The following SEC13 variants were observed in gnomAD, a reference collection of about 807,000 sequenced individuals.
SEC13 encodes the protein SEC13 homolog, nuclear pore and COPII component.
A neutral mutation model predicts 49.2 loss-of-function variants in SEC13; 25 were observed. That is an observed-to-expected ratio of 0.51 (90% CI 0.37 to 0.71). The LOEUF (loss-of-function observed/expected upper bound fraction) is 0.71, where lower values mean the gene tolerates loss of function less well. SEC13 is among the 30% of genes least tolerant of loss of function. The probability of loss-of-function intolerance (pLI) is 0.00; values close to 1 mark genes in which losing one functional copy is unlikely to be tolerated. For synonymous variants in SEC13, 148 were observed against 163.9 expected, an observed-to-expected ratio of 0.90 and a Z score of 0.74; for missense variants, 383 against 417.6, an observed-to-expected ratio of 0.92 and a Z score of 0.72.
At chr3:10,303,876 T>C in intron 8 of SEC13, 150 bp downstream of exon 8, 1 of 749,168 alleles carries the variant, frequency 1.3e-6, no homozygotes, top group African/African-American at 1.7e-5. Flanking sequence ...GTGACATTAA[T>C]GATGTAACTA....
chr3:10,303,580 C>G (rs1335138094), intron 8 of SEC13: 1 of 250,476 alleles, frequency 4.0e-6, no homozygotes, highest in African/African-American at 2.2e-5. Flanking sequence ...CTGCCTCTTA[C>G]CAGCATAACA....
intron 3 of SEC13, among the ~76,000 whole-genome samples, chr3:10,314,314 T>C (rs1437908750): frequency 6.6e-6 from 1 of 152,228 alleles, no homozygotes; most frequent in African/African-American, 2.4e-5. Flanking sequence ...ATTTATGAGA[T>C]AGTGATGCAT....
In SEC13 at chr3:10,305,552, T is replaced by G. The variant is rs769683262; in HGVS notation, c.584+7A>C. ...CCTCAAAGAGAAGGCCACACATCCC[T>G]ACTTACTTCCACAGCTTGATGAGGT... On this transcript the variant is annotated splice_region_variant and intron_variant, in intron 6 of 8. Transcript: ENST00000350697. 1 of 1,613,390 alleles carries G rather than the reference T, an allele frequency of 6.2e-7. No homozygotes were observed. The highest frequency in any genetic ancestry group is 1.3e-5 in the African/African-American group (1 of 74,922).
rs762165660 is a variant in SEC13, at chr3:10,317,768, A to T, written c.48+282T>A. 2.6e-4 allele frequency among the ~76,000 whole-genome samples: 40 copies of T among 152,192 alleles called. 1 individual carries two copies. The highest frequency in any genetic ancestry group is 3.9e-4 in the Admixed American group (6 of 15,288). On this transcript the variant is annotated intron_variant, in intron 2 of 8. Coordinates refer to ENST00000350697, the MANE Select transcript of SEC13 (RefSeq NM_183352.3). Reference sequence around the variant, plus strand: ...ACCCACTCAGCCTTCATCCGAGAGCAGGTTATTGTATTGGCTGGAAGACTG... The same window carrying T: ...ACCCACTCAGCCTTCATCCGAGAGCTGGTTATTGTATTGGCTGGAAGACTG...
intron 7 of SEC13, 147 bp downstream of exon 7, chr3:10,304,886 A>G (rs1395060838): frequency 1.7e-6 from 2 of 1,201,692 alleles, no homozygotes; most frequent in Non-Finnish European, 2.3e-6. Context: ...ACTTCCCCAC[A>G]CAATGACCTG....
chr3:10,303,081 C>T (rs1205641501), intron 8 of SEC13, among the ~76,000 whole-genome samples: 1 of 152,196 alleles, frequency 6.6e-6, no homozygotes, highest in African/African-American at 2.4e-5. Context: ...TTCAATTTTG[C>T]AGCTGAAAAG....
intron 3 of SEC13, chr3:10,313,238 T>C (rs2125273534): frequency 4.2e-6 from 1 of 239,956 alleles, no homozygotes; most frequent in East Asian, 8.5e-5. Context: ...TCTTTATCCA[T>C]TCACCTGATA....
intron 5 of SEC13, chr3:10,311,715 G>A: frequency 7.3e-7 from 1 of 1,366,744 alleles, no homozygotes; most frequent in South Asian, 1.5e-5. Flanking sequence ...GTGGCAGTGA[G>A]CAGGCTGCTG....
In SEC13 at chr3:10,312,635, C is replaced by T; in HGVS notation, c.260G>A (p.Arg87Lys). ...CSYDRKVIIW[R>K]EENGTWEKSH... ...CTTCTCCCAGGTGCCGTTTTCCTCT[C>T]TCCAGATAATGACTTTCCGGTCATA... The change falls in exon 4 of 9, where the codon AGA becomes AAA. Residue 87 changes from arginine to lysine, a missense_variant. Coordinates refer to ENST00000350697, the MANE Select transcript of SEC13 (RefSeq NM_183352.3). 1.2e-6 allele frequency: 2 copies of T among 1,614,208 alleles called. No individual in the cohort carries two copies. Among genetic ancestry groups the T allele is most frequent in the Admixed American group, 1.7e-5 (1 of 60,022 alleles).
chr3:10,316,577 A>C (rs1017102174), intron 2 of SEC13, among the ~76,000 whole-genome samples: 3 of 152,178 alleles, frequency 2.0e-5, no homozygotes, highest in Non-Finnish European at 2.9e-5. Flanking sequence ...CCTGCTGTGC[A>C]AACTTTGAAA....
chr3:10,313,516 C>T (rs929542795), intron 3 of SEC13: 11 of 495,758 alleles, frequency 2.2e-5, no homozygotes, highest in African/African-American at 2.0e-4. Context: ...AAAAGCCACT[C>T]AATACCCATT....
intron 1 of SEC13, 96 bp from the exon 2 acceptor site, chr3:10,318,190 C>G (rs544090325): frequency 7.5e-6 from 6 of 798,848 alleles, no homozygotes; most frequent in Non-Finnish European, 1.3e-5. Context: ...CTCACTCATT[C>G]ATTCATTCAT....
chr3:10,321,087 G>A lies in SEC13; in HGVS notation c.-35C>T. On this transcript the variant is annotated 5_prime_UTR_variant, in exon 1 of 9. Transcript: ENST00000350697. The surrounding 1 kb of genome is among the most constrained non-coding windows in gnomAD (Gnocchi z 4.1). ...GGTGGCTGCTCCAGGTCTCGGACGT[G>A]GCAGCTCCCGGCGGCGCCTCGGAAC... 6.2e-7 allele frequency: 1 copy of A among 1,612,454 alleles called. No homozygotes were observed. Among genetic ancestry groups the A allele is most frequent in the South Asian group, 1.1e-5 (1 of 90,740 alleles).
In SEC13 at chr3:10,301,094, T is replaced by TCTCCGATCACGTTAAGGC. The variant is rs1559487595; in HGVS notation, c.*149_*166dup. ...CAGCTGGACAGTAGATTACAAAGCATCTCCGATCACGTTAAGGCAGATGAT... is the reference window on the plus strand; with the variant it reads ...CAGCTGGACAGTAGATTACAAAGCATCTCCGATCACGTTAAGGCCTCCGATCACGTTAAGGCAGATGAT... On this transcript the variant is annotated 3_prime_UTR_variant, in exon 9 of 9. Transcript: ENST00000350697. The TCTCCGATCACGTTAAGGC allele has an allele frequency of 6.2e-7, 1 of 1,612,816 alleles. No homozygotes were observed. Among genetic ancestry groups the TCTCCGATCACGTTAAGGC allele is most frequent in the South Asian group, 1.1e-5 (1 of 91,014 alleles).
intron 6 of SEC13, 113 bp from the exon 7 acceptor site, chr3:10,305,269 C>T: frequency 7.0e-7 from 1 of 1,427,128 alleles, no homozygotes; most frequent in Non-Finnish European, 9.3e-7. Context: ...TTTCTTCTTT[C>T]ATTCATGGAG....
chr3:10,304,015 TG>T lies in SEC13; in HGVS notation c.855+10del. On this transcript the variant is annotated intron_variant, in intron 8 of 8. Transcript: ENST00000350697. ...GCTGTGTCCACCATGCCACGGGGAA[TG>T]GGTATGTACCTTATTGTCTCCACCA... The T allele has an allele frequency of 1.2e-6, 2 of 1,613,814 alleles. No individual in the cohort carries two copies. The highest frequency in any genetic ancestry group is 1.7e-6 in the Non-Finnish European group (2 of 1,179,990).
chr3:10,308,933 ATT>A (rs56801249), intron 5 of SEC13, among the ~76,000 whole-genome samples: 20,918 of 101,898 alleles, frequency 0.21, 1,860 homozygotes, highest in African/African-American at 0.25. Flanking sequence ...CCTGGCCTTG[ATT>A]TTTTTTTTTT....
chr3:10,315,456 C>A lies in SEC13; in HGVS notation c.49-20G>T. ...GTCGTGCTGCAAAGGGAGGACAGCTCGGGAAGCCTGCAGGCTGGGTGGGTG... is the reference window on the plus strand; with the variant it reads ...GTCGTGCTGCAAAGGGAGGACAGCTAGGGAAGCCTGCAGGCTGGGTGGGTG... On this transcript the variant is annotated intron_variant, in intron 2 of 8. Transcript: ENST00000350697. The A allele has an allele frequency of 1.4e-6, 1 of 715,480 alleles. No individual in the cohort carries two copies. Among genetic ancestry groups the A allele is most frequent in the South Asian group, 1.6e-5 (1 of 62,836 alleles). The allele number at this position is 715,480 out of a possible 1,614,324, so 44.3% of individuals were successfully genotyped here.
At chr3:10,317,885 G>C (rs1299371548) in intron 2 of SEC13, among the ~76,000 whole-genome samples, 165 bp downstream of exon 2, 1 of 152,112 alleles carries the variant, frequency 6.6e-6, no homozygotes, top group Non-Finnish European at 1.5e-5. Flanking sequence ...CACTGCTAGG[G>C]AGCCTGCCAT....
Sources: gnomAD v4.1 joint callset for allele counts (sites outside exome capture counted in the v4.1 genomes callset) on GRCh38, gnomAD v4.1.1 for gene constraint, Gnocchi (gnomAD v3.1) non-coding constraint, MANE v1.5 for transcripts, NCBI Gene and HGNC (gene_info 2026-07-23, HGNC 2026-07-21) for gene names.